LYPLAL1: variants seen among roughly 807,000 people sequenced by gnomAD.
LYPLAL1 encodes the protein lysophospholipase like 1, also known as lysophospholipase-like protein 1.
A neutral mutation model predicts 19.7 loss-of-function variants in LYPLAL1; 23 were observed. The observed-to-expected ratio is 1.17, with a 90% confidence interval of 0.84 to 1.65. The LOEUF is 1.65. Ranked by LOEUF, LYPLAL1 falls within the 40% of genes most tolerant of loss-of-function variation. The pLI, the probability that LYPLAL1 is intolerant of heterozygous loss-of-function variation, is 0.00. For synonymous variants in LYPLAL1, 119 were observed against 96.3 expected, an observed-to-expected ratio of 1.24 and a Z score of -1.38; for missense variants, 355 against 279.4, an observed-to-expected ratio of 1.27 and a Z score of -1.93.
the LYPLAL1 span, among the ~76,000 whole-genome samples, chr1:219,288,994 A>C: frequency 6.6e-6 from 1 of 152,110 alleles, no homozygotes; most frequent in African/African-American, 2.4e-5. Context: ...TTACCGTCTT[A>C]ATACATCTGG....
intron 2 of LYPLAL1, among the ~76,000 whole-genome samples, chr1:219,191,302 A>G (rs1278504212): frequency 6.6e-6 from 1 of 151,628 alleles, no homozygotes; most frequent in Non-Finnish European, 1.5e-5. Flanking sequence ...ACGTATGCAT[A>G]TGTTTAATGA....
the LYPLAL1 span, among the ~76,000 whole-genome samples, chr1:219,301,311 G>A: frequency 1.3e-5 from 2 of 152,138 alleles, no homozygotes; most frequent in Admixed American, 6.5e-5. Flanking sequence ...GGTACAAAAA[G>A]ACGTAATTAT....
chr1:219,179,061 C>T (rs953834129), intron 1 of LYPLAL1, 86 bp from the exon 2 acceptor site: 10 of 827,396 alleles, frequency 1.2e-5, no homozygotes, highest in Non-Finnish European at 1.9e-5. Flanking sequence ...ATTCCATCCT[C>T]TGTGTGACAT....
intron 3 of LYPLAL1, chr1:219,193,500 T>C (rs1657368699): frequency 4.2e-6 from 1 of 238,180 alleles, no homozygotes. Context: ...AAATTTTTCT[T>C]CTAGTTTAAT....
chr1:219,318,082 C>T, the LYPLAL1 span, among the ~76,000 whole-genome samples: 1 of 152,118 alleles, frequency 6.6e-6, no homozygotes, highest in African/African-American at 2.4e-5. Flanking sequence ...AACTCAGAAA[C>T]ATGAAAAACT....
the LYPLAL1 span, among the ~76,000 whole-genome samples, chr1:219,252,798 A>G: frequency 4.6e-5 from 7 of 152,144 alleles, no homozygotes; most frequent in Admixed American, 3.3e-4. Context: ...CTGGCCTCAT[A>G]GAATGAGTTG....
At chr1:219,330,569 T>A in the LYPLAL1 span, among the ~76,000 whole-genome samples, 1 of 152,216 alleles carries the variant, frequency 6.6e-6, no homozygotes, top group Non-Finnish European at 1.5e-5. Context: ...TGCTTTTATA[T>A]GATTGATATA....
chr1:219,247,172 C>T, the LYPLAL1 span, among the ~76,000 whole-genome samples: 1 of 152,168 alleles, frequency 6.6e-6, no homozygotes, highest in Non-Finnish European at 1.5e-5. Context: ...ACTTCTTAAG[C>T]AAAATCAAAT....
the LYPLAL1 span, among the ~76,000 whole-genome samples, chr1:219,320,687 G>C: frequency 3.9e-5 from 6 of 152,058 alleles, no homozygotes; most frequent in African/African-American, 1.4e-4. Flanking sequence ...GAGAACATGC[G>C]GTGTTTGGTT....
intron 3 of LYPLAL1, among the ~76,000 whole-genome samples, chr1:219,204,749 C>T (rs1438523449): frequency 6.6e-6 from 1 of 152,088 alleles, no homozygotes; most frequent in Non-Finnish European, 1.5e-5. Flanking sequence ...TCAAAGTGTT[C>T]CTGGCTAATA....
the LYPLAL1 span, among the ~76,000 whole-genome samples, chr1:219,402,372 GTTTAT>G: frequency 1.3e-4 from 20 of 152,156 alleles, 1 homozygote; most frequent in Admixed American, 9.8e-4. Flanking sequence ...AAAATTGAGT[GTTTAT>G]TTTATTTTGT....
chr1:219,427,981 G>A, the LYPLAL1 span, among the ~76,000 whole-genome samples: 1 of 152,106 alleles, frequency 6.6e-6, no homozygotes, highest in Non-Finnish European at 1.5e-5. Flanking sequence ...AGATTTCCAG[G>A]CCTTCATCTT....
At chr1:219,407,350 T>C in the LYPLAL1 span, among the ~76,000 whole-genome samples, 1 of 152,212 alleles carries the variant, frequency 6.6e-6, no homozygotes, top group African/African-American at 2.4e-5. Flanking sequence ...GACTATTGAG[T>C]TAGCACCTAA....
intron 3 of LYPLAL1, among the ~76,000 whole-genome samples, chr1:219,209,808 GT>G (rs1347570381): frequency 6.6e-6 from 1 of 152,000 alleles, no homozygotes; most frequent in Non-Finnish European, 1.5e-5. Flanking sequence ...TGTTGGATGT[GT>G]TTCCTTCTCA....
intron 2 of LYPLAL1, 126 bp downstream of exon 2, chr1:219,179,372 T>C: frequency 1.4e-6 from 1 of 730,916 alleles, no homozygotes; most frequent in Non-Finnish European, 2.3e-6. Context: ...TAGAGTACTT[T>C]GTCCCCAGAA....
chr1:219,376,790 A>C, the LYPLAL1 span, among the ~76,000 whole-genome samples: 1 of 152,238 alleles, frequency 6.6e-6, no homozygotes, highest in Non-Finnish European at 1.5e-5. Context: ...TAGAATGGGC[A>C]ATTAGCAACA....
At chr1:219,179,937 A>G (rs1656135416) in intron 2 of LYPLAL1, among the ~76,000 whole-genome samples, 1 of 152,110 alleles carries the variant, frequency 6.6e-6, no homozygotes, top group Non-Finnish European at 1.5e-5. Context: ...GTGTGGAGCT[A>G]CGCCCCAATC....
chr1:219,418,789 C>T, the LYPLAL1 span, among the ~76,000 whole-genome samples: 1 of 152,206 alleles, frequency 6.6e-6, no homozygotes, highest in Non-Finnish European at 1.5e-5. Context: ...CCTATGTGCT[C>T]TGCCTGTTCA....
the LYPLAL1 span, among the ~76,000 whole-genome samples, chr1:219,250,194 A>G: frequency 1.3e-5 from 2 of 151,944 alleles, no homozygotes; most frequent in Non-Finnish European, 2.9e-5. Flanking sequence ...TGATTTTTGT[A>G]TATGGTATAG....
Sources: gnomAD v4.1 joint callset for allele counts (sites outside exome capture counted in the v4.1 genomes callset) on GRCh38, gnomAD v4.1.1 for gene constraint, MANE v1.5 for transcripts, NCBI Gene and HGNC (gene_info 2026-07-23, HGNC 2026-07-21) for gene names.